The following NCALD variants were observed in gnomAD, a reference collection of about 807,000 sequenced individuals.
The protein encoded by NCALD is neurocalcin delta, also known as neurocalcin-delta.
NCALD carries 10 observed loss-of-function variants against 18.6 expected under a neutral mutation model. The observed-to-expected ratio is 0.54, with a 90% CI of 0.33 to 0.91. NCALD has a LOEUF of 0.91. Among genes scored for constraint, NCALD ranks in the 40% least tolerant of loss-of-function variants. The probability of loss-of-function intolerance (pLI) is 0.03; values close to 1 mark genes in which losing one functional copy is unlikely to be tolerated. For missense variants in NCALD, 184 were observed against 247.6 expected (o/e 0.74, Z 1.72); for synonymous variants, 88 against 87.4 (o/e 1.01, Z -0.04).
intron 2 of NCALD, among the ~76,000 whole-genome samples, chr8:101,712,408 A>G (rs937472165): frequency 1.3e-5 from 2 of 152,144 alleles, no homozygotes; most frequent in Non-Finnish European, 2.9e-5. Context: ...ACATATAACA[A>G]TAATAATCTT....
At position 102,079,779 on chromosome 8, in the gene NCALD, A is replaced by G. The variant is rs35487728; in HGVS notation, c.-210+44458T>C. 8.5e-3 allele frequency among the ~76,000 whole-genome samples: 1,288 copies of G among 152,340 alleles called. 9 individuals carry two copies. The highest frequency in any genetic ancestry group is 0.037 in the Middle Eastern group (11 of 294). ...ATGAACTGCAATGCATAATTAATAA[A>G]TTCAATTATTTTCTCTTTGCACATC... On this transcript the variant is annotated intron_variant, in intron 1 of 6. Transcript: ENST00000311028.
chr8:101,948,971 T>C (rs184240942), intron 2 of NCALD, among the ~76,000 whole-genome samples: 1 of 152,196 alleles, frequency 6.6e-6, no homozygotes, highest in Non-Finnish European at 1.5e-5. Context: ...GGACCTGGCA[T>C]GTACCAAGAG....
chr8:101,706,258 T>C (rs977432555), intron 2 of NCALD, among the ~76,000 whole-genome samples: 12 of 151,608 alleles, frequency 7.9e-5, no homozygotes, highest in African/African-American at 2.7e-4. Flanking sequence ...TGGAGATAGA[T>C]GGTGGAGGAG....
chr8:101,742,313 T>C (rs925253681), intron 1 of NCALD, among the ~76,000 whole-genome samples: 1 of 152,202 alleles, frequency 6.6e-6, no homozygotes, highest in Non-Finnish European at 1.5e-5. Context: ...GGATGCTATA[T>C]GTAAGTATTC....
chr8:101,951,351 A>T (rs192477804), intron 2 of NCALD, among the ~76,000 whole-genome samples: 9 of 152,212 alleles, frequency 5.9e-5, no homozygotes, highest in African/African-American at 2.2e-4. Context: ...TACAGGCAGC[A>T]TGCTGATGGA....
At chr8:101,752,375 A>G (rs796330151) in intron 1 of NCALD, among the ~76,000 whole-genome samples, 2 of 152,336 alleles carry the variant, frequency 1.3e-5, no homozygotes, top group African/African-American at 4.8e-5. Context: ...AGAATTAAAA[A>G]CTAACAGAGA....
chr8:102,033,647 T>C (rs1822759697), intron 1 of NCALD, among the ~76,000 whole-genome samples: 1 of 152,206 alleles, frequency 6.6e-6, no homozygotes, highest in Non-Finnish European at 1.5e-5. Flanking sequence ...AAAATTGTTC[T>C]ACTGCACTAA....
intron 1 of NCALD, among the ~76,000 whole-genome samples, chr8:101,722,398 C>T (rs765440052): frequency 5.9e-5 from 9 of 152,150 alleles, no homozygotes; most frequent in African/African-American, 1.2e-4. Flanking sequence ...ACATAATACC[C>T]GGCTTTCTAG....
At chr8:101,961,400 T>C (rs1016636097) in intron 2 of NCALD, among the ~76,000 whole-genome samples, 2 of 152,174 alleles carry the variant, frequency 1.3e-5, no homozygotes, top group South Asian at 2.1e-4. Context: ...CAATGTAAAT[T>C]TGAGTATTTC....
At chr8:102,027,922 C>T (rs553941814) in intron 1 of NCALD, among the ~76,000 whole-genome samples, 2 of 152,192 alleles carry the variant, frequency 1.3e-5, no homozygotes, top group African/African-American at 4.8e-5. Context: ...ACTCACTATC[C>T]AAAGACCAGC....
chr8:101,903,872 G>A (rs1817521391), intron 3 of NCALD, among the ~76,000 whole-genome samples: 1 of 152,194 alleles, frequency 6.6e-6, no homozygotes, highest in Admixed American at 6.5e-5. Flanking sequence ...TGTGTCTCCT[G>A]TATATCTGTG....
intron 1 of NCALD, among the ~76,000 whole-genome samples, chr8:102,120,546 C>T (rs1361029517): frequency 2.6e-5 from 4 of 152,062 alleles, no homozygotes; most frequent in East Asian, 1.9e-4. Context: ...AAAATGGTGC[C>T]GACTCCATGA....
intron 1 of NCALD, among the ~76,000 whole-genome samples, chr8:101,721,603 A>G (rs1816359109): frequency 6.6e-6 from 1 of 152,216 alleles, no homozygotes; most frequent in African/African-American, 2.4e-5. Flanking sequence ...CTCACTAAAA[A>G]TAAACTTCTA....
At chr8:101,875,736 T>C (rs1235118937) in intron 4 of NCALD, among the ~76,000 whole-genome samples, 1 of 152,130 alleles carries the variant, frequency 6.6e-6, no homozygotes, top group Non-Finnish European at 1.5e-5. Context: ...AAACCGAAAC[T>C]GCATGAGGAA....
chr8:101,764,753 C>A (rs1586439773), intron 1 of NCALD, among the ~76,000 whole-genome samples: 1 of 152,310 alleles, frequency 6.6e-6, no homozygotes, highest in Middle Eastern at 3.4e-3. Flanking sequence ...ATGTGACACT[C>A]AATTTAATCC....
chr8:102,115,817 C>A (rs1317162478), intron 1 of NCALD, among the ~76,000 whole-genome samples: 1 of 152,120 alleles, frequency 6.6e-6, no homozygotes, highest in Non-Finnish European at 1.5e-5. Context: ...TCTGGGAAAG[C>A]CCCAGGTGAG....
At chr8:102,117,613 CA>C (rs35595637) in intron 1 of NCALD, among the ~76,000 whole-genome samples, 102 of 118,908 alleles carry the variant, frequency 8.6e-4, no homozygotes, top group East Asian at 4.7e-3. Context: ...ACTTTCAACT[CA>C]AAAAAAAAAA....
chr8:101,727,900 C>T (rs139726337), intron 1 of NCALD, among the ~76,000 whole-genome samples: 46 of 152,284 alleles, frequency 3.0e-4, no homozygotes, highest in Middle Eastern at 6.8e-3. Context: ...TATGTGACTG[C>T]GCACCCTTTT....
At chr8:102,029,115 G>A (rs1229189063) in intron 1 of NCALD, 1 of 152,182 alleles carries the variant, frequency 6.6e-6, no homozygotes, top group Non-Finnish European at 1.5e-5. Context: ...AGAGATAGAA[G>A]AGAAAGTCAT....
Sources: allele counts gnomAD v4.1 joint callset (sites outside exome capture counted in the v4.1 genomes callset), GRCh38; gene constraint gnomAD v4.1.1; transcripts MANE v1.5; gene names NCBI Gene and HGNC (gene_info 2026-07-23, HGNC 2026-07-21).